Variants in REEP3 observed in about 807,000 individuals in gnomAD.
REEP3 encodes the protein receptor accessory protein 3.
A neutral mutation model predicts 41.3 loss-of-function variants in REEP3; 20 were observed. That is an observed-to-expected ratio of 0.48 (90% CI 0.34 to 0.70). The LOEUF is 0.70. Among genes scored for constraint, REEP3 ranks in the 30% least tolerant of loss-of-function variants. REEP3 has a pLI of 0.01. For missense variants in REEP3, 271 were observed against 308.8 expected, an observed-to-expected ratio of 0.88 and a Z score of 0.92; for synonymous variants, 104 against 101.8, an observed-to-expected ratio of 1.02 and a Z score of -0.13.
chr10:63,531,527 C>T (rs765142927), intron 1 of REEP3, among the ~76,000 whole-genome samples: 4 of 152,182 alleles, frequency 2.6e-5, no homozygotes, highest in Admixed American at 6.5e-5. Context: ...AGGCTAAAAA[C>T]TGTGCTATCT....
At chr10:63,572,773 T>C (rs1955864628) in intron 2 of REEP3, among the ~76,000 whole-genome samples, 1 of 152,250 alleles carries the variant, frequency 6.6e-6, no homozygotes, top group Non-Finnish European at 1.5e-5. Flanking sequence ...TTTTGTTGTT[T>C]TATTAATTGC....
chr10:63,603,549 G>T (rs1174616173), intron 5 of REEP3, among the ~76,000 whole-genome samples: 2 of 151,954 alleles, frequency 1.3e-5, no homozygotes, highest in East Asian at 1.9e-4. Context: ...CACCCCAAAG[G>T]CAGTAATATT....
At chr10:63,609,716 C>G (rs7076907) in intron 5 of REEP3, among the ~76,000 whole-genome samples, 1 of 152,056 alleles carries the variant, frequency 6.6e-6, no homozygotes, top group East Asian at 1.9e-4. Flanking sequence ...GCCAAGATCA[C>G]GCCACTGCAT....
intron 1 of REEP3, among the ~76,000 whole-genome samples, chr10:63,529,361 G>A (rs1160794241): frequency 1.3e-5 from 2 of 152,200 alleles, no homozygotes. Context: ...AATTGTTCTG[G>A]AGATAGATAG....
At chr10:63,585,035 T>A (rs559935304) in intron 2 of REEP3, among the ~76,000 whole-genome samples, 1 of 152,342 alleles carries the variant, frequency 6.6e-6, no homozygotes, top group Admixed American at 6.5e-5. Context: ...AGTCTGTAAT[T>A]AAGAGAGTTT....
At chr10:63,608,594 T>G (rs576557796) in intron 5 of REEP3, among the ~76,000 whole-genome samples, 1 of 152,288 alleles carries the variant, frequency 6.6e-6, no homozygotes, top group South Asian at 2.1e-4. Context: ...AACGAAGAAA[T>G]AATAAGTATA....
At chr10:63,537,782 A>C (rs1006410938) in intron 1 of REEP3, among the ~76,000 whole-genome samples, 1 of 152,186 alleles carries the variant, frequency 6.6e-6, no homozygotes, top group African/African-American at 2.4e-5. Flanking sequence ...CATGATGAGT[A>C]TGTGAACAGA....
chr10:63,553,520 T>G (rs1485396897), intron 1 of REEP3, among the ~76,000 whole-genome samples: 1 of 152,152 alleles, frequency 6.6e-6, no homozygotes, highest in Non-Finnish European at 1.5e-5. Context: ...TTCATGCTCA[T>G]TGGTGAAGTG....
chr10:63,535,503 A>G (rs1156627170), intron 1 of REEP3, among the ~76,000 whole-genome samples: 2 of 152,202 alleles, frequency 1.3e-5, no homozygotes, highest in African/African-American at 2.4e-5. Context: ...AATTACCTAT[A>G]AAGTTCATAT....
chr10:63,568,374 C>T (rs1955820417), intron 2 of REEP3, among the ~76,000 whole-genome samples: 2 of 151,460 alleles, frequency 1.3e-5, no homozygotes, highest in Admixed American at 6.6e-5. Context: ...TCACGCCATT[C>T]TCCTGCCTCA....
At chr10:63,592,893 A>T (rs1956078168) in intron 2 of REEP3, among the ~76,000 whole-genome samples, 1 of 152,160 alleles carries the variant, frequency 6.6e-6, no homozygotes, top group Admixed American at 6.5e-5. Context: ...ACTCTGTCTC[A>T]AAAAACAAAA....
chr10:63,589,829 C>T (rs1488017204), intron 2 of REEP3, among the ~76,000 whole-genome samples: 2 of 106,184 alleles, frequency 1.9e-5, no homozygotes, highest in Admixed American at 2.9e-4. Context: ...GAGTCTTGCT[C>T]TGTTGCCCAT....
chr10:63,549,103 T>C (rs1955604467), intron 1 of REEP3, among the ~76,000 whole-genome samples: 1 of 152,220 alleles, frequency 6.6e-6, no homozygotes, highest in Admixed American at 6.5e-5. Context: ...TGAAACCTGA[T>C]AACCTTGACA....
At chr10:63,550,025 G>T (rs1955613619) in intron 1 of REEP3, among the ~76,000 whole-genome samples, 1 of 152,222 alleles carries the variant, frequency 6.6e-6, no homozygotes, top group Admixed American at 6.5e-5. Flanking sequence ...AGGCAGTGCT[G>T]CAGGTGTATT....
chr10:63,540,861 C>A (rs1955521436), intron 1 of REEP3, among the ~76,000 whole-genome samples: 1 of 152,148 alleles, frequency 6.6e-6, no homozygotes, highest in Admixed American at 6.5e-5. Flanking sequence ...GCTGAGACAA[C>A]AGGCATACAC....
At chr10:63,600,834 T>C (rs1427574990) in intron 5 of REEP3, among the ~76,000 whole-genome samples, 1 of 152,126 alleles carries the variant, frequency 6.6e-6, no homozygotes, top group Non-Finnish European at 1.5e-5. Context: ...AAGGAAAGAA[T>C]TCATAAAGAT....
chr10:63,589,260 A>T (rs1308612870), intron 2 of REEP3, among the ~76,000 whole-genome samples: 4 of 152,144 alleles, frequency 2.6e-5, no homozygotes, highest in Admixed American at 2.6e-4. Context: ...GTAATGAAAA[A>T]TGATTTCTAT....
At chr10:63,601,790 G>A (rs1387984816) in intron 5 of REEP3, among the ~76,000 whole-genome samples, 1 of 151,964 alleles carries the variant, frequency 6.6e-6, no homozygotes, top group East Asian at 1.9e-4. Context: ...ACATGGTGGT[G>A]GGCACCTGTA....
chr10:63,603,334 A>C (rs76383025), intron 5 of REEP3, among the ~76,000 whole-genome samples: 2 of 149,970 alleles, frequency 1.3e-5, no homozygotes, highest in African/African-American at 4.9e-5. Context: ...AAAAAAAAAA[A>C]GACCCCACCC....
Sources: gnomAD v4.1 joint callset for allele counts (sites outside exome capture counted in the v4.1 genomes callset) on GRCh38, gnomAD v4.1.1 for gene constraint, MANE v1.5 for transcripts, NCBI Gene and HGNC (gene_info 2026-07-23, HGNC 2026-07-21) for gene names.